The following CFAP20DC variants were observed in gnomAD, a reference collection of about 807,000 sequenced individuals.
The protein encoded by CFAP20DC is CFAP20 domain containing.
A neutral mutation model predicts 101.7 loss-of-function variants in CFAP20DC; 84 were observed. The ratio of observed to expected loss-of-function variants is 0.83; its 90% CI spans 0.69 to 0.99. CFAP20DC has a LOEUF of 0.99. Among genes scored for constraint, CFAP20DC ranks in the 50% least tolerant of loss-of-function variants. The probability of loss-of-function intolerance (pLI) is 0.00; values close to 1 mark genes in which losing one functional copy is unlikely to be tolerated. For missense variants in CFAP20DC, 1,007 were observed against 970.3 expected (o/e 1.04, Z -0.50); for synonymous variants, 359 against 351.2 (o/e 1.02, Z -0.25).
At chr3:58,877,712 C>G (rs2080870605) in intron 7 of CFAP20DC, among the ~76,000 whole-genome samples, 1 of 152,154 alleles carries the variant, frequency 6.6e-6, no homozygotes, top group Non-Finnish European at 1.5e-5. Context: ...CCCATATTTT[C>G]CAATTCTTCC....
At position 58,753,150 on chromosome 3, in the gene CFAP20DC, C is replaced by T. The variant is rs1220168970; in HGVS notation, c.2332+619G>A. 7.2e-5 allele frequency among the ~76,000 whole-genome samples: 11 copies of T among 152,286 alleles called. No individual in the cohort carries two copies. In the East Asian group the frequency reaches 1.7e-3, roughly 24 times the overall value. ...ATCTTTATGGCTCATGCCAACCAAA[C>T]GAACACCTGGCAAATTTTCATTGCT... On this transcript the variant is annotated intron_variant, in intron 16 of 16. Transcript: ENST00000482387.
At chr3:58,995,975 A>AATCAATCTATCTATCT (rs370222448) in intron 4 of CFAP20DC, among the ~76,000 whole-genome samples, 249 of 145,270 alleles carry the variant, frequency 1.7e-3, no homozygotes, top group East Asian at 0.012. Flanking sequence ...CTGTATAATA[A>AATCAATCTATCTATCT]ATCTATCTAT....
intron 16 of CFAP20DC, among the ~76,000 whole-genome samples, chr3:58,748,461 AAAG>A (rs1559538106): frequency 6.6e-6 from 1 of 152,088 alleles, no homozygotes; most frequent in Non-Finnish European, 1.5e-5. Context: ...GTGGCCCTGA[AAAG>A]AAGGCACCTC....
chr3:58,889,332 A>T (rs1010589701), intron 6 of CFAP20DC, among the ~76,000 whole-genome samples: 67 of 152,286 alleles, frequency 4.4e-4, no homozygotes, highest in African/African-American at 1.5e-3. Context: ...AACCAATAGA[A>T]GCAGTATGAA....
At chr3:58,990,646 C>T (rs1035624329) in intron 4 of CFAP20DC, among the ~76,000 whole-genome samples, 1 of 152,052 alleles carries the variant, frequency 6.6e-6, no homozygotes, top group Non-Finnish European at 1.5e-5. Flanking sequence ...GATCAGAATT[C>T]TGAAATTCTC....
intron 15 of CFAP20DC, among the ~76,000 whole-genome samples, chr3:58,775,480 T>C (rs1260511178): frequency 6.6e-6 from 1 of 152,176 alleles, no homozygotes; most frequent in African/African-American, 2.4e-5. Flanking sequence ...GCTAACTAAC[T>C]ACCACAAATA....
intron 4 of CFAP20DC, among the ~76,000 whole-genome samples, chr3:58,954,632 AT>A (rs1222055948): frequency 1.3e-5 from 2 of 152,202 alleles, no homozygotes; most frequent in Non-Finnish European, 2.9e-5. Context: ...TTACACATTC[AT>A]TCTAATGTTG....
intron 13 of CFAP20DC, among the ~76,000 whole-genome samples, chr3:58,848,561 G>T (rs1231360224): frequency 6.6e-6 from 1 of 152,116 alleles, no homozygotes; most frequent in Non-Finnish European, 1.5e-5. Flanking sequence ...TTTATTCGAT[G>T]ACACTGTTTT....
chr3:58,821,225 T>G (rs1020216305), intron 14 of CFAP20DC, among the ~76,000 whole-genome samples: 1 of 152,144 alleles, frequency 6.6e-6, no homozygotes, highest in African/African-American at 2.4e-5. Flanking sequence ...ATTCAGGACA[T>G]AGGCATGGGC....
At chr3:58,906,272 C>A (rs2083575623) in intron 6 of CFAP20DC, among the ~76,000 whole-genome samples, 1 of 152,214 alleles carries the variant, frequency 6.6e-6, no homozygotes. Context: ...CTACTGCCCA[C>A]CTCCTTGACC....
At chr3:58,946,921 T>C (rs1303674374) in intron 4 of CFAP20DC, among the ~76,000 whole-genome samples, 1 of 152,228 alleles carries the variant, frequency 6.6e-6, no homozygotes, top group Non-Finnish European at 1.5e-5. Context: ...ATCTCATTTA[T>C]TCCTCCCAAC....
chr3:58,992,103 C>T (rs183216412), intron 4 of CFAP20DC, among the ~76,000 whole-genome samples: 14 of 152,142 alleles, frequency 9.2e-5, no homozygotes, highest in Non-Finnish European at 1.3e-4. Flanking sequence ...AATAAGAAAC[C>T]TGGGGCACAA....
In CFAP20DC at chr3:58,863,489, G is replaced by C. The variant is rs756631128; in HGVS notation, c.1593+69C>G. On this transcript the variant is annotated intron_variant, in intron 12 of 16. Coordinates refer to ENST00000482387, the MANE Select transcript of CFAP20DC (RefSeq NM_001394063.1). The surrounding 1 kb of genome is among the most constrained non-coding windows in gnomAD (Gnocchi z 5.9). ...GATTTTCCCTCTTTCATTTCAACTTGTTTTAGTGCTTATTGGAGCTAAGGA... is the reference window on the plus strand; with the variant it reads ...GATTTTCCCTCTTTCATTTCAACTTCTTTTAGTGCTTATTGGAGCTAAGGA... 6.3e-7 allele frequency: 1 copy of C among 1,575,234 alleles called. No individual in the cohort carries two copies. The highest frequency in any genetic ancestry group is 1.3e-5 in the African/African-American group (1 of 74,098).
rs1400149482 is a variant in CFAP20DC, at chr3:58,795,512, C to A, written c.2237+10883G>T. Among the ~76,000 whole-genome samples the A allele has an allele frequency of 6.6e-6, 1 of 152,154 alleles. No homozygotes were observed. The highest frequency in any genetic ancestry group is 2.4e-5 in the African/African-American group (1 of 41,438). ...GCTTGGCTTGTGCCTGTGGTCTCGGCTACATGGGAAGCTGGAGTGGGAGAG... is the reference window on the plus strand; with the variant it reads ...GCTTGGCTTGTGCCTGTGGTCTCGGATACATGGGAAGCTGGAGTGGGAGAG... On this transcript the variant is annotated intron_variant, in intron 15 of 16. Coordinates refer to ENST00000482387, the MANE Select transcript of CFAP20DC (RefSeq NM_001394063.1). This position sits in a 1 kb window ranked among gnomAD's most constrained non-coding sequence, Gnocchi z 4.2.
chr3:58,907,230 G>A (rs1174504774), intron 6 of CFAP20DC, among the ~76,000 whole-genome samples: 4 of 151,860 alleles, frequency 2.6e-5, no homozygotes, highest in Non-Finnish European at 2.9e-5. Flanking sequence ...TTTATATGTC[G>A]GCAACCTATG....
At chr3:58,808,351 C>A (rs6778241) in intron 14 of CFAP20DC, among the ~76,000 whole-genome samples, 1 of 152,220 alleles carries the variant, frequency 6.6e-6, no homozygotes, top group Non-Finnish European at 1.5e-5. Context: ...GCCCATCAGA[C>A]TAACAGCTGA....
intron 5 of CFAP20DC, among the ~76,000 whole-genome samples, chr3:58,929,714 G>T (rs2086374901): frequency 6.6e-6 from 1 of 152,102 alleles, no homozygotes; most frequent in African/African-American, 2.4e-5. Context: ...CTTTACTTAT[G>T]TCTACATGAA....
intron 4 of CFAP20DC, among the ~76,000 whole-genome samples, 177 bp downstream of exon 4, chr3:59,039,380 T>G (rs533891635): frequency 4.5e-4 from 69 of 152,078 alleles, no homozygotes; most frequent in Non-Finnish European, 8.8e-4. Flanking sequence ...AATGCCAGAC[T>G]ATAGTGATAT....
chr3:58,843,395 C>G (rs2077328607), intron 13 of CFAP20DC, among the ~76,000 whole-genome samples: 1 of 151,962 alleles, frequency 6.6e-6, no homozygotes, highest in Non-Finnish European at 1.5e-5. Flanking sequence ...ATGTGATCAA[C>G]TGGAAGAAAG....
Sources: gnomAD v4.1 joint callset for allele counts (sites outside exome capture counted in the v4.1 genomes callset) on GRCh38, gnomAD v4.1.1 for gene constraint, Gnocchi (gnomAD v3.1) non-coding constraint, MANE v1.5 for transcripts, NCBI Gene and HGNC (gene_info 2026-07-23, HGNC 2026-07-21) for gene names.